The following ERN1 variants were observed in gnomAD, a reference collection of about 807,000 sequenced individuals.
ERN1 encodes serine/threonine-protein kinase/endoribonuclease IRE1.
A neutral mutation model predicts 113.1 loss-of-function variants in ERN1; 39 were observed. The observed-to-expected ratio is 0.34, with a 90% confidence interval of 0.27 to 0.45. ERN1 has a LOEUF of 0.45. ERN1 is among the 20% of genes least tolerant of loss of function. The pLI is 1.00. For missense variants in ERN1, 976 were observed against 1,274.8 expected (o/e 0.77, Z 3.57); for synonymous variants, 507 against 515.9 (o/e 0.98, Z 0.23).
intron 2 of ERN1, among the ~76,000 whole-genome samples, chr17:64,082,796 G>A (rs1029660025): frequency 1.3e-5 from 2 of 152,144 alleles, no homozygotes; most frequent in Non-Finnish European, 2.9e-5. Flanking sequence ...CAGGACATTG[G>A]CAGGAGACAG....
chr17:64,109,622 T>C (rs1914621071), intron 1 of ERN1, among the ~76,000 whole-genome samples: 2 of 152,204 alleles, frequency 1.3e-5, no homozygotes, highest in African/African-American at 2.4e-5. Context: ...GTAGGGACTG[T>C]TTACTGCTTC....
At chr17:64,058,065 G>C (rs1240111882) in intron 11 of ERN1, 72 bp from the exon 12 acceptor site, 1 of 1,190,294 alleles carries the variant, frequency 8.4e-7, no homozygotes, top group African/African-American at 1.5e-5. Context: ...GCAATCAAGA[G>C]AAGCAATCAC....
chr17:64,046,325 C>T (rs1374513142), intron 19 of ERN1, among the ~76,000 whole-genome samples: 1 of 152,196 alleles, frequency 6.6e-6, no homozygotes, highest in Non-Finnish European at 1.5e-5. Flanking sequence ...AAAGCTGTTA[C>T]GGCTAAATGA....
rs559246591 is a variant in ERN1 at position 64,127,457 on chromosome 17, A to T, written c.54+2519T>A. On this transcript the variant is annotated intron_variant, in intron 1 of 21. Coordinates refer to ENST00000433197, the MANE Select transcript of ERN1 (RefSeq NM_001433.5). ...TTTCACCTATCAGGAAGGAGTCTCT[A>T]AGAAGTAAAATCATGGCCGGGTGCG... Among the ~76,000 whole-genome samples the T allele has an allele frequency of 4.6e-5, 7 of 152,296 alleles. No homozygotes were observed. In the South Asian group the frequency reaches 1.5e-3, roughly 32 times the overall value.
Position 64,057,973 on chromosome 17 carries a change from C to G in ERN1, c.1227G>C (p.Gln409His). The G allele has an allele frequency of 6.3e-7, 1 of 1,581,716 alleles. No individual in the cohort carries two copies. The highest frequency in any genetic ancestry group is 1.2e-5 in the South Asian group (1 of 86,078). Reference sequence around the variant, plus strand: ...CGGTGGTAGGTGCGTTTTCTGAAGTCTGGTCAACCAGGTTGATAACCTTGC... The same window carrying G: ...CGGTGGTAGGTGCGTTTTCTGAAGTGTGGTCAACCAGGTTGATAACCTTGC... ...SFEEVINLVDQTSENAPTTVS... is the reference protein window; with the variant it reads ...SFEEVINLVDHTSENAPTTVS... The change falls in exon 12 of 22, where the codon CAG (glutamine) becomes CAC (histidine). Residue 409 changes from glutamine to histidine, a missense_variant. Gln to His is a conservative substitution (Grantham distance 24). Around this residue, in one of 5 missense-constraint regions of ERN1, gnomAD observed 459 missense variants for 581.2 expected, o/e 0.79. Transcript: ENST00000433197.
In ERN1 at chr17:64,080,720, AT is replaced by A. The variant is rs1185908273; in HGVS notation, c.209+54del. 4 of 1,552,330 alleles carry A rather than the reference AT, an allele frequency of 2.6e-6. No homozygotes were observed. In the East Asian group the frequency reaches 9.1e-5, roughly 35 times the overall value. On this transcript the variant is annotated intron_variant, in intron 3 of 21. Coordinates refer to ENST00000433197, the MANE Select transcript of ERN1 (RefSeq NM_001433.5). The stretch of plus-strand genomic sequence containing the variant: ...CCAGCAACTGGCCTCATAAACACTG[AT>A]TGAATGAAGAAGACTGAATTAAAGG...
rs887588654 is a variant in ERN1, at chr17:64,049,507, T to C, written c.2254-305A>G. ...GAGATGCATTAATATGCAAAAATGGTTGCTTACGACAGTGCTTGGCCCATC... is the reference window on the plus strand; with the variant it reads ...GAGATGCATTAATATGCAAAAATGGCTGCTTACGACAGTGCTTGGCCCATC... On this transcript the variant is annotated intron_variant, in intron 17 of 21. Coordinates refer to ENST00000433197, the MANE Select transcript of ERN1 (RefSeq NM_001433.5). The surrounding 1 kb of genome is among the most constrained non-coding windows in gnomAD (Gnocchi z 4.7). Among the ~76,000 whole-genome samples, 3 of 152,138 alleles carry C rather than the reference T, an allele frequency of 2.0e-5. No individual in the cohort carries two copies. The highest frequency in any genetic ancestry group is 4.4e-5 in the Non-Finnish European group (3 of 68,022).
chr17:64,104,446 C>T (rs1025217710), intron 1 of ERN1, among the ~76,000 whole-genome samples: 2 of 151,692 alleles, frequency 1.3e-5, no homozygotes, highest in South Asian at 2.1e-4. Context: ...AGAAATGTTG[C>T]TTTTGCCAAA....
In ERN1 at chr17:64,054,112, G is replaced by C. The variant is rs1056187043; in HGVS notation, c.1953+138C>G. 2 of 726,914 alleles carry C rather than the reference G, an allele frequency of 2.8e-6. No individual in the cohort carries two copies. The highest frequency in any genetic ancestry group is 3.6e-5 in the African/African-American group (2 of 55,996). 45.0% of individuals were successfully genotyped at this position (726,914 alleles called of 1,614,324 possible). A position where few individuals can be genotyped will look rare whatever the true frequency, so the allele number is the denominator to read the frequency against. Reference sequence around the variant, plus strand: ...ACATCGCTAGGCCTGGCTAATTTTTGGTTTCTTTGTAGAGATGGGGTTTCA... The same window carrying C: ...ACATCGCTAGGCCTGGCTAATTTTTCGTTTCTTTGTAGAGATGGGGTTTCA... On this transcript the variant is annotated intron_variant, in intron 15 of 21. Coordinates refer to ENST00000433197, the MANE Select transcript of ERN1 (RefSeq NM_001433.5). This position sits in a 1 kb window ranked among gnomAD's most constrained non-coding sequence, Gnocchi z 4.9.
intron 4 of ERN1, among the ~76,000 whole-genome samples, chr17:64,078,675 T>G (rs1191615290): frequency 6.6e-6 from 1 of 152,096 alleles, no homozygotes; most frequent in East Asian, 1.9e-4. Flanking sequence ...TTTATTCCTA[T>G]ATGGATATCC....
chr17:64,045,410 C>T lies in ERN1; in HGVS notation c.2602G>A (p.Ala868Thr). 1 of 1,613,862 alleles carries T rather than the reference C, an allele frequency of 6.2e-7. No individual in the cohort carries two copies. Among genetic ancestry groups the T allele is most frequent in the African/African-American group, 1.3e-5 (1 of 75,038 alleles). The change falls in exon 20 of 22, where the codon GCC (alanine) becomes ACC (threonine). Residue 868 changes from alanine (A) to threonine (T), a missense_variant. Physicochemically the swap from Ala to Thr is moderately conservative, Grantham distance 58. Transcript: ENST00000433197. Reference sequence around the variant, plus strand: ...TCCCGCCAGTCCATCTTCACCACGGCTCTCCCGCCTCTCTCTAACTGCTTC... The same window carrying T: ...TCCCGCCAGTCCATCTTCACCACGGTTCTCCCGCCTCTCTCTAACTGCTTC... ...IVKQLERGGRAVVKMDWRENI... is the reference protein window; with the variant it reads ...IVKQLERGGRTVVKMDWRENI...
chr17:64,039,369 A>T lies in ERN1; in HGVS notation c.*4619T>A, dbSNP rs1325213385. The T allele has an allele frequency of 6.6e-6, 1 of 152,226 alleles. No individual in the cohort carries two copies. Among genetic ancestry groups the T allele is most frequent in the Non-Finnish European group, 1.5e-5 (1 of 68,038 alleles). The allele number at this position is 152,226 out of a possible 1,614,324, so 9.4% of individuals were successfully genotyped here. A position where few individuals can be genotyped will look rare whatever the true frequency, so the allele number is the denominator to read the frequency against. On this transcript the variant is annotated 3_prime_UTR_variant, in exon 22 of 22. Coordinates refer to ENST00000433197, the MANE Select transcript of ERN1 (RefSeq NM_001433.5). The stretch of plus-strand genomic sequence containing the variant: ...TTCCACAAAGAAGACTGTATCACAC[A>T]ATTAACACGTACTAATTAAACAATT...
At chr17:64,105,012 A>ACG (rs1491502562) in intron 1 of ERN1, among the ~76,000 whole-genome samples, 8 of 111,162 alleles carry the variant, frequency 7.2e-5, no homozygotes, top group African/African-American at 4.6e-4. Flanking sequence ...AAAGGCGTGT[A>ACG]CACACACACA....
At chr17:64,068,460 G>C (rs145692479) in intron 6 of ERN1, among the ~76,000 whole-genome samples, 169 bp from the exon 7 acceptor site, 46 of 152,330 alleles carry the variant, frequency 3.0e-4, no homozygotes, top group African/African-American at 1.0e-3. Flanking sequence ...TGAAGGCCCA[G>C]ACACATGAGT....
At chr17:64,053,107 T>G (rs1202301261) in intron 16 of ERN1, 128 bp from the exon 17 acceptor site, 1 of 928,676 alleles carries the variant, frequency 1.1e-6, no homozygotes, top group Non-Finnish European at 1.6e-6. Flanking sequence ...GATTTTCAAC[T>G]ATGTCGGATT....
At chr17:64,098,601 G>T (rs752267753) in intron 1 of ERN1, 2 of 535,936 alleles carry the variant, frequency 3.7e-6, no homozygotes, top group Non-Finnish European at 7.4e-6. Flanking sequence ...CTCATAAGAC[G>T]TTATGATAAA....
Position 64,039,599 on chromosome 17 carries a change from C to A in ERN1, c.*4389G>T, listed in dbSNP as rs938633542. 2.6e-5 allele frequency: 4 copies of A among 152,076 alleles called. No individual in the cohort carries two copies. Among genetic ancestry groups the A allele is most frequent in the Non-Finnish European group, 5.9e-5 (4 of 68,006 alleles). 9.4% of individuals were successfully genotyped at this position (152,076 alleles called of 1,614,324 possible). ...AAATCTGATGTGCTTTAAGCAAGTA[C>A]AATTGTAACTGGATACATTTCAGAG... On this transcript the variant is annotated 3_prime_UTR_variant, in exon 22 of 22. Transcript: ENST00000433197.
intron 17 of ERN1, among the ~76,000 whole-genome samples, chr17:64,052,128 G>T (rs1338129171): frequency 6.6e-6 from 1 of 152,192 alleles, no homozygotes; most frequent in African/African-American, 2.4e-5. Flanking sequence ...CACTTTGGGA[G>T]GCTAAGCCTG....
chr17:64,044,816 T>A lies in ERN1; in HGVS notation c.2721+44A>T. ...GGATGAAAGGAGGAAGGTGTCCATG[T>A]CATGGCCACTGGGTCTCCTCCCCAG... On this transcript the variant is annotated intron_variant, in intron 21 of 21. Coordinates refer to ENST00000433197, the MANE Select transcript of ERN1 (RefSeq NM_001433.5). The surrounding 1 kb of genome is among the most constrained non-coding windows in gnomAD (Gnocchi z 4.1). 8.1e-7 allele frequency: 1 copy of A among 1,227,792 alleles called. No individual in the cohort carries two copies. The highest frequency in any genetic ancestry group is 1.2e-6 in the Non-Finnish European group (1 of 848,682). The allele number at this position is 1,227,792 out of a possible 1,614,324, so 76.1% of individuals were successfully genotyped here.
Sources: allele counts gnomAD v4.1 joint callset (sites outside exome capture counted in the v4.1 genomes callset), GRCh38; gene constraint gnomAD v4.1.1; regional missense constraint gnomAD v4.1.1; non-coding constraint Gnocchi (gnomAD v3.1); transcripts MANE v1.5; gene names NCBI Gene and HGNC (gene_info 2026-07-23, HGNC 2026-07-21).